The following SIPA1L1 variants were observed in gnomAD, a reference collection of about 807,000 sequenced individuals.
SIPA1L1 encodes the protein signal induced proliferation associated 1 like 1.
SIPA1L1 carries 26 observed loss-of-function variants against 162.7 expected under a neutral mutation model. The observed-to-expected ratio is 0.16, with a 90% CI of 0.12 to 0.22. SIPA1L1 has a LOEUF of 0.22. Among genes scored for constraint, SIPA1L1 ranks in the 10% least tolerant of loss-of-function variants. The pLI, the probability that SIPA1L1 is intolerant of heterozygous loss-of-function variation, is 1.00. For synonymous variants in SIPA1L1, 829 were observed against 837.4 expected, an observed-to-expected ratio of 0.99 and a Z score of 0.17; for missense variants, 1,874 against 2,241.0, an observed-to-expected ratio of 0.84 and a Z score of 3.31.
intron 2 of SIPA1L1, among the ~76,000 whole-genome samples, chr14:71,387,248 CAAAAAAAAA>C (rs398025583): frequency 3.7e-5 from 2 of 53,880 alleles, no homozygotes; most frequent in Non-Finnish European, 6.0e-5. Flanking sequence ...AACTCTGTCT[CAAAAAAAAA>C]AAAAAAAAAA....
chr14:71,719,105 A>AT (rs1343944839), intron 17 of SIPA1L1, among the ~76,000 whole-genome samples: 6 of 151,524 alleles, frequency 4.0e-5, no homozygotes, highest in South Asian at 2.1e-4. Flanking sequence ...CACCTGGCTA[A>AT]TTTTTTTTAT....
At chr14:71,703,055 C>G (rs1566690508) in intron 15 of SIPA1L1, among the ~76,000 whole-genome samples, 1 of 152,154 alleles carries the variant, frequency 6.6e-6, no homozygotes, top group African/African-American at 2.4e-5. Context: ...AGCTTGTGCC[C>G]GGATTTCTAC....
Position 71,539,398 on chromosome 14 carries a change from G to A in SIPA1L1, c.-303+10028G>A, listed in dbSNP as rs139929603. Among the ~76,000 whole-genome samples the A allele has an allele frequency of 3.5e-3, 535 of 152,242 alleles. 8 individuals carry two copies. Among genetic ancestry groups the A allele is most frequent in the African/African-American group, 0.012 (511 of 41,554 alleles). ...TGTTTCCAGAGAATAGCTACTTCTC[G>A]ATTAGGCCAGCTTGGAACTTTTCCA... On this transcript the variant is annotated intron_variant, in intron 4 of 23. Coordinates refer to ENST00000381232, the MANE Select transcript of SIPA1L1 (RefSeq NM_001386936.1).
At chr14:71,735,444 G>T in intron 22 of SIPA1L1, 53 bp downstream of exon 22, 1 of 1,245,006 alleles carries the variant, frequency 8.0e-7, no homozygotes, top group South Asian at 1.2e-5. Flanking sequence ...ATCTGCCACT[G>T]ACTGCATCTG....
chr14:71,549,611 G>T (rs1230923143), intron 4 of SIPA1L1, among the ~76,000 whole-genome samples: 1 of 152,156 alleles, frequency 6.6e-6, no homozygotes, highest in East Asian at 1.9e-4. Context: ...CAGACACATT[G>T]TACGAATCCC....
intron 4 of SIPA1L1, among the ~76,000 whole-genome samples, chr14:71,550,995 A>C (rs920094464): frequency 1.6e-4 from 25 of 152,146 alleles, no homozygotes; most frequent in African/African-American, 6.0e-4. Flanking sequence ...CCACACTGGC[A>C]CTTTTTACCT....
chr14:71,346,436 T>A (rs1305200292), intron 2 of SIPA1L1, among the ~76,000 whole-genome samples: 4 of 152,198 alleles, frequency 2.6e-5, no homozygotes, highest in African/African-American at 9.7e-5. Flanking sequence ...TGATGGAAGT[T>A]GTGCAAGACC....
In SIPA1L1 at chr14:71,672,640, G is replaced by A; in HGVS notation, c.3104+18G>A. On this transcript the variant is annotated intron_variant, in intron 12 of 23. Coordinates refer to ENST00000381232, the MANE Select transcript of SIPA1L1 (RefSeq NM_001386936.1). ...CCGCGGAGGTAGGTCTGAGGAGACA[G>A]CTGTGGGCCTGAGACTCGAGTGCAG... The A allele has an allele frequency of 6.2e-7, 1 of 1,608,302 alleles. No individual in the cohort carries two copies. Among genetic ancestry groups the A allele is most frequent in the Non-Finnish European group, 8.5e-7 (1 of 1,175,462 alleles).
rs899284675 is a variant in SIPA1L1, at chr14:71,347,536, A to G, written c.-465+26355A>G. On this transcript the variant is annotated intron_variant, in intron 2 of 23. Transcript: ENST00000381232. ...GAGTTGAATTGTTGACTTATATAGT[A>G]ACTCTATGCTTAGTAACTCTAAACA... Among the ~76,000 whole-genome samples, 13 of 152,298 alleles carry G rather than the reference A, an allele frequency of 8.5e-5. No homozygotes were observed. The East Asian group carries it at 1.7e-3, about 20-fold the overall frequency.
intron 2 of SIPA1L1, among the ~76,000 whole-genome samples, chr14:71,490,005 C>A (rs1280754625): frequency 6.6e-6 from 1 of 152,094 alleles, no homozygotes; most frequent in Non-Finnish European, 1.5e-5. Flanking sequence ...TTATCACACA[C>A]AAGTCTAAGG....
chr14:71,719,318 T>C (rs1437452137), intron 17 of SIPA1L1, among the ~76,000 whole-genome samples: 1 of 152,186 alleles, frequency 6.6e-6, no homozygotes, highest in African/African-American at 2.4e-5. Flanking sequence ...GCAATATCCA[T>C]GTCAAGAATA....
rs577676512 is a variant in SIPA1L1 at position 71,383,598 on chromosome 14, A to G, written c.-465+62417A>G. Among the ~76,000 whole-genome samples the G allele has an allele frequency of 5.3e-5, 8 of 152,308 alleles. No individual in the cohort carries two copies. In the South Asian group the frequency reaches 1.7e-3, roughly 32 times the overall value. On this transcript the variant is annotated intron_variant, in intron 2 of 23. Transcript: ENST00000381232. ...TCATGGTTCTGCAAGCGGTACTAGCATGGCACAGTCATTTGCTCAGCTCCT... is the reference window on the plus strand; with the variant it reads ...TCATGGTTCTGCAAGCGGTACTAGCGTGGCACAGTCATTTGCTCAGCTCCT...
chr14:71,359,841 C>T (rs1371092979), intron 2 of SIPA1L1, among the ~76,000 whole-genome samples: 2 of 152,152 alleles, frequency 1.3e-5, no homozygotes, highest in Non-Finnish European at 2.9e-5. Flanking sequence ...GGAACTGGTT[C>T]TTTAGATCTT....
rs113841474 is a variant in SIPA1L1, at chr14:71,377,399, A to G, written c.-465+56218A>G. Among the ~76,000 whole-genome samples the G allele has an allele frequency of 0.064, 8,818 of 137,858 alleles. 593 individuals are homozygous for G. The highest frequency in any genetic ancestry group is 0.18 in the African/African-American group (6,708 of 36,994). 90.4% of individuals were successfully genotyped at this position (137,858 alleles called of 152,430 possible). On this transcript the variant is annotated intron_variant, in intron 2 of 23. Transcript: ENST00000381232. This position sits in a 1 kb window ranked among gnomAD's most constrained non-coding sequence, Gnocchi z 4.8. Reference sequence around the variant, plus strand: ...GACGGGGTCGCGGCCGGGCAGAGGCACTCCTCACCTCCCAGACAGGGTGGC... The same window carrying G: ...GACGGGGTCGCGGCCGGGCAGAGGCGCTCCTCACCTCCCAGACAGGGTGGC...
intron 2 of SIPA1L1, among the ~76,000 whole-genome samples, chr14:71,492,778 G>A (rs547850738): frequency 6.6e-6 from 1 of 150,808 alleles, no homozygotes; most frequent in Non-Finnish European, 1.5e-5. Flanking sequence ...ATGCCACCAT[G>A]CCTGGCTAGA....
intron 22 of SIPA1L1, 60 bp from the exon 23 acceptor site, chr14:71,738,181 A>C: frequency 1.1e-6 from 1 of 883,092 alleles, no homozygotes; most frequent in Non-Finnish European, 1.7e-6. Context: ...AAAAAAAAAA[A>C]AAAAACAAAC....
At chr14:71,524,196 C>A (rs1439610948) in intron 3 of SIPA1L1, among the ~76,000 whole-genome samples, 1 of 152,184 alleles carries the variant, frequency 6.6e-6, no homozygotes, top group Non-Finnish European at 1.5e-5. Flanking sequence ...AAATCTAACA[C>A]CATGAAATTC....
chr14:71,732,143 G>T (rs990015973), intron 20 of SIPA1L1, among the ~76,000 whole-genome samples: 1 of 152,212 alleles, frequency 6.6e-6, no homozygotes, highest in African/African-American at 2.4e-5. Context: ...TGCTAATTTT[G>T]AGCACAGTAA....
intron 19 of SIPA1L1, 25 bp from the exon 20 acceptor site, chr14:71,730,030 C>A (rs1481353782): frequency 6.2e-7 from 1 of 1,605,258 alleles, no homozygotes; most frequent in Admixed American, 1.7e-5. Context: ...AATTGACTTT[C>A]TTTTGTCTTG....
Sources: gnomAD v4.1 joint callset for allele counts (sites outside exome capture counted in the v4.1 genomes callset) on GRCh38, gnomAD v4.1.1 for gene constraint, Gnocchi (gnomAD v3.1) non-coding constraint, MANE v1.5 for transcripts, NCBI Gene and HGNC (gene_info 2026-07-23, HGNC 2026-07-21) for gene names.